The following CDH12 variants were observed in gnomAD, a reference collection of about 807,000 sequenced individuals.
CDH12 encodes the protein cadherin 12.
Under a neutral mutation model 74.1 loss-of-function variants are expected in CDH12, and 41 were observed. The observed-to-expected ratio is 0.55, with a 90% confidence interval of 0.43 to 0.72. The LOEUF (loss-of-function observed/expected upper bound fraction) is 0.72. Among genes scored for constraint, CDH12 ranks in the 30% least tolerant of loss-of-function variants. The pLI is 0.00. For missense variants in CDH12, 945 were observed against 977.2 expected (o/e 0.97, Z 0.44); for synonymous variants, 399 against 355.0 (o/e 1.12, Z -1.39).
chr5:22,291,215 G>C (rs1239329313), intron 3 of CDH12, among the ~76,000 whole-genome samples: 2 of 152,014 alleles, frequency 1.3e-5, no homozygotes, highest in Non-Finnish European at 2.9e-5. Flanking sequence ...AAATAAATGT[G>C]TCTCAACATA....
chr5:22,533,992 T>A (rs1209032747), intron 1 of CDH12, among the ~76,000 whole-genome samples: 1 of 152,136 alleles, frequency 6.6e-6, no homozygotes, highest in Non-Finnish European at 1.5e-5. Flanking sequence ...AACCGACTTG[T>A]CTGGTTCCTC....
At chr5:22,343,622 G>T (rs983253357) in intron 3 of CDH12, among the ~76,000 whole-genome samples, 2 of 151,966 alleles carry the variant, frequency 1.3e-5, no homozygotes, top group Non-Finnish European at 2.9e-5. Flanking sequence ...GTTTCACTGT[G>T]TTAGCCAGGA....
intron 1 of CDH12, among the ~76,000 whole-genome samples, chr5:22,628,616 T>G (rs951423376): frequency 1.3e-5 from 2 of 152,108 alleles, no homozygotes; most frequent in Non-Finnish European, 2.9e-5. Flanking sequence ...CAGGGAAGTT[T>G]ATAGCGCTAA....
At chr5:21,846,072 G>T (rs934517006) in intron 7 of CDH12, among the ~76,000 whole-genome samples, 1 of 152,104 alleles carries the variant, frequency 6.6e-6, no homozygotes, top group Non-Finnish European at 1.5e-5. Flanking sequence ...ACTAGGCAAC[G>T]TGGCACTAGC....
chr5:22,628,885 A>G (rs193061848), intron 1 of CDH12, among the ~76,000 whole-genome samples: 2 of 152,088 alleles, frequency 1.3e-5, no homozygotes, highest in East Asian at 3.9e-4. Flanking sequence ...GAATATCCAA[A>G]TGAATACAAT....
At chr5:22,459,005 G>A (rs1580670717) in intron 2 of CDH12, among the ~76,000 whole-genome samples, 1 of 151,800 alleles carries the variant, frequency 6.6e-6, no homozygotes, top group South Asian at 2.1e-4. Flanking sequence ...TGGCTGTAAC[G>A]AGATCATTAA....
At chr5:22,643,170 G>C (rs535276900) in intron 1 of CDH12, among the ~76,000 whole-genome samples, 1 of 152,128 alleles carries the variant, frequency 6.6e-6, no homozygotes, top group African/African-American at 2.4e-5. Context: ...TTAAGGCTTC[G>C]TGAAATAGAT....
chr5:22,611,859 G>A (rs546076929), intron 1 of CDH12, among the ~76,000 whole-genome samples: 2 of 152,116 alleles, frequency 1.3e-5, no homozygotes, highest in Admixed American at 6.6e-5. Flanking sequence ...ATCTGGAGGG[G>A]CAAATGGAAG....
chr5:21,872,731 C>A (rs1471960105), intron 6 of CDH12, among the ~76,000 whole-genome samples: 1 of 152,056 alleles, frequency 6.6e-6, no homozygotes, highest in African/African-American at 2.4e-5. Context: ...CCCTACATAC[C>A]TAACATTATT....
chr5:21,925,955 ATGATTTC>A (rs1393265155), intron 6 of CDH12, among the ~76,000 whole-genome samples: 3 of 152,152 alleles, frequency 2.0e-5, no homozygotes, highest in African/African-American at 7.2e-5. Context: ...AAAAAAAGAA[ATGATTTC>A]TGGCATCTTG....
At chr5:22,162,204 G>C (rs1161635642) in intron 4 of CDH12, among the ~76,000 whole-genome samples, 2 of 151,950 alleles carry the variant, frequency 1.3e-5, no homozygotes, top group Non-Finnish European at 2.9e-5. Flanking sequence ...TTTCTTTAAA[G>C]GGACCATTCA....
chr5:21,851,189 A>G (rs1750447638), intron 7 of CDH12, among the ~76,000 whole-genome samples: 1 of 151,248 alleles, frequency 6.6e-6, no homozygotes, highest in Admixed American at 6.6e-5. Flanking sequence ...ATATGGCAAT[A>G]CCTAGTTACT....
intron 3 of CDH12, among the ~76,000 whole-genome samples, chr5:22,294,872 T>C (rs563670740): frequency 2.0e-5 from 3 of 152,314 alleles, no homozygotes; most frequent in Non-Finnish European, 2.9e-5. Context: ...TCTTAGCCTC[T>C]TGCCAGCTTT....
chr5:22,844,803 CA>C (rs1452129068), intron 1 of CDH12, among the ~76,000 whole-genome samples: 1 of 151,916 alleles, frequency 6.6e-6, no homozygotes, highest in Non-Finnish European at 1.5e-5. Flanking sequence ...GAAGCAGCAG[CA>C]ATTCAGGAAG....
intron 3 of CDH12, among the ~76,000 whole-genome samples, chr5:22,229,705 C>A (rs952143153): frequency 6.6e-6 from 1 of 152,014 alleles, no homozygotes; most frequent in Non-Finnish European, 1.5e-5. Context: ...TGATTTACCT[C>A]AAATTTCATG....
rs141011442 is a variant in CDH12, at chr5:22,644,083, G to C, written c.-522-138719C>G. On this transcript the variant is annotated intron_variant, in intron 1 of 14. Transcript: ENST00000382254. The stretch of plus-strand genomic sequence containing the variant: ...TCCTTCTTCCTCTCCTCGGTGCTCC[G>C]TATTCCCTGAGACACAGCAATACTG... Among the ~76,000 whole-genome samples, 1,210 of 151,892 alleles carry C rather than the reference G, an allele frequency of 8.0e-3. 10 individuals carry two copies. Among genetic ancestry groups the C allele is most frequent in the African/African-American group, 0.025 (1,054 of 41,400 alleles).
At chr5:22,268,753 T>C (rs995713049) in intron 3 of CDH12, among the ~76,000 whole-genome samples, 3 of 152,132 alleles carry the variant, frequency 2.0e-5, no homozygotes, top group Admixed American at 2.0e-4. Flanking sequence ...ATCTGCCTGG[T>C]AAAATTAGCT....
chr5:22,752,785 G>A (rs1023582374), intron 1 of CDH12, among the ~76,000 whole-genome samples: 4 of 150,714 alleles, frequency 2.7e-5, no homozygotes, highest in African/African-American at 9.8e-5. Flanking sequence ...GTTTTTAGCC[G>A]GGATGGTCTC....
In CDH12 at chr5:21,783,432, G is replaced by T. The variant is rs564854121; in HGVS notation, c.1319C>A (p.Thr440Asn). The change falls in exon 11 of 15, where the codon ACC becomes AAC. Residue 440 changes from threonine to asparagine, a missense_variant. This residue lies in a region of CDH12 where 791 missense variants were observed against 792.8 expected (regional missense o/e 1.00). Transcript: ENST00000382254. ...GTCTAGTAATTCATTAGTGGCGATG[G>T]TTCCTTCATTTCCATCTATTGTAAA... Reference protein sequence around the residue: ...SYFTIDGNEGTIATNELLDRE... With the variant: ...SYFTIDGNEGNIATNELLDRE... 6.2e-7 allele frequency: 1 copy of T among 1,606,766 alleles called. No individual in the cohort carries two copies. Among genetic ancestry groups the T allele is most frequent in the Non-Finnish European group, 8.5e-7 (1 of 1,173,404 alleles).
Sources: allele counts gnomAD v4.1 joint callset (sites outside exome capture counted in the v4.1 genomes callset), GRCh38; gene constraint gnomAD v4.1.1; regional missense constraint gnomAD v4.1.1; transcripts MANE v1.5; gene names NCBI Gene and HGNC (gene_info 2026-07-23, HGNC 2026-07-21).